The following BAD variants were observed in gnomAD, a reference collection of about 807,000 sequenced individuals.
BAD encodes BCL2 associated agonist of cell death.
A neutral mutation model predicts 17.8 loss-of-function variants in BAD; 18 were observed. The observed-to-expected ratio is 1.01, with a 90% CI of 0.70 to 1.50. The LOEUF is 1.50. BAD is among the 40% of genes most tolerant of loss of function. The pLI is 0.00. For missense variants in BAD, 294 were observed against 239.3 expected (o/e 1.23, Z -1.51); for synonymous variants, 112 against 91.5 (o/e 1.22, Z -1.28).
rs978445237 is a variant in BAD at position 64,271,918 on chromosome 11, C to T, written c.188-115G>A. ...GGCCCACTCGTGGGTCTTCCAGGGG[C>T]GCATCACAGCCCACCTCTCAGAGCC... On this transcript the variant is annotated intron_variant, in intron 2 of 3. Coordinates refer to ENST00000309032, the MANE Select transcript of BAD (RefSeq NM_032989.3). The T allele has an allele frequency of 4.1e-5, 33 of 800,110 alleles. No homozygotes were observed. In the South Asian group the frequency reaches 1.4e-3, roughly 33 times the overall value. 49.6% of individuals were successfully genotyped at this position (800,110 alleles called of 1,614,324 possible). A position where few individuals can be genotyped will look rare whatever the true frequency, so the allele number is the denominator to read the frequency against.
At chr11:64,279,330 C>T (rs1332183535) in intron 2 of BAD, among the ~76,000 whole-genome samples, 1 of 152,168 alleles carries the variant, frequency 6.6e-6, no homozygotes, top group African/African-American at 2.4e-5. Flanking sequence ...CAGCTTGGAC[C>T]CCACATCTAC....
chr11:64,284,173 G>C lies in BAD; in HGVS notation c.187+9C>G. 6.4e-7 allele frequency: 1 copy of C among 1,572,862 alleles called. No individual in the cohort carries two copies. Among genetic ancestry groups the C allele is most frequent in the Non-Finnish European group, 8.6e-7 (1 of 1,159,056 alleles). On this transcript the variant is annotated intron_variant, in intron 2 of 3. Coordinates refer to ENST00000309032, the MANE Select transcript of BAD (RefSeq NM_032989.3). ...GTGTCCCGGCAGGTGGAGGTGGTGG[G>C]GTACTTACCTCCATGATGGCTGCTG...
At chr11:64,271,923 C>G in intron 2 of BAD, 120 bp from the exon 3 acceptor site, 1 of 725,696 alleles carries the variant, frequency 1.4e-6, no homozygotes, top group Non-Finnish European at 1.9e-6. Flanking sequence ...AGGGGCGCAT[C>G]ACAGCCCACC....
chr11:64,270,201 A>C lies in BAD; in HGVS notation c.*8T>G, dbSNP rs1478082125. The C allele has an allele frequency of 7.4e-6, 12 of 1,613,854 alleles. No homozygotes were observed. The highest frequency in any genetic ancestry group is 1.0e-5 in the Non-Finnish European group (12 of 1,179,896). On this transcript the variant is annotated 3_prime_UTR_variant, in exon 4 of 4. Coordinates refer to ENST00000309032, the MANE Select transcript of BAD (RefSeq NM_032989.3). ...GAACGGGTGGAGTTTCGGGATGTGGAGCGAAGGTCACTGGGAGGGGGCGGA... is the reference window on the plus strand; with the variant it reads ...GAACGGGTGGAGTTTCGGGATGTGGCGCGAAGGTCACTGGGAGGGGGCGGA...
chr11:64,282,895 AAAAAAG>A (rs1565351954), intron 2 of BAD, among the ~76,000 whole-genome samples: 1 of 151,618 alleles, frequency 6.6e-6, no homozygotes, highest in South Asian at 2.1e-4. Flanking sequence ...AAAAAAAAAA[AAAAAAG>A]AAAAAGTAAA....
intron 2 of BAD, among the ~76,000 whole-genome samples, chr11:64,273,996 A>G (rs2032847444): frequency 6.6e-6 from 1 of 152,132 alleles, no homozygotes; most frequent in African/African-American, 2.4e-5. Context: ...AACCATTGGA[A>G]TGTCTCTTCT....
Position 64,284,211 on chromosome 11 carries a change from T to C in BAD, c.158A>G (p.Glu53Gly), listed in dbSNP as rs2033681187. 4 of 1,603,466 alleles carry C rather than the reference T, an allele frequency of 2.5e-6. No homozygotes were observed. Among genetic ancestry groups the C allele is most frequent in the Middle Eastern group, 3.3e-4 (2 of 6,002 alleles). The change falls in exon 2 of 4, where the codon GAG (glutamate) becomes GGG (glycine). Residue 53 changes from glutamate to glycine, a missense_variant. Glu to Gly is a moderately conservative substitution (Grantham distance 98). Coordinates refer to ENST00000309032, the MANE Select transcript of BAD (RefSeq NM_032989.3). ...GLLWDASHQQ[E>G]QPTSSSHHGG... ...ATGATGGCTGCTGCTGGTTGGCTGC[T>C]CCTGCTGGTGACTGGCGTCCCACAG...
rs2032631638 is a variant in BAD at position 64,271,732 on chromosome 11, C to T, written c.259G>A (p.Gly87Arg). Residue 87 changes from glycine to arginine, a missense_variant, in exon 3 of 4, where the codon GGG (glycine) becomes AGG (arginine). Coordinates refer to ENST00000309032, the MANE Select transcript of BAD (RefSeq NM_032989.3). ...PAGTEDDEGM[G>R]EEPSPFRGRS... ...CCCCGAAAGGGGCTGGGCTCCTCCC[C>T]CATCCCTTCGTCGTCCTCCGTCCCC... 6.9e-7 allele frequency: 1 copy of T among 1,448,780 alleles called. No homozygotes were observed. Among genetic ancestry groups the T allele is most frequent in the Non-Finnish European group, 9.1e-7 (1 of 1,100,660 alleles). The allele number at this position is 1,448,780 out of a possible 1,614,324, so 89.7% of individuals were successfully genotyped here. A position where few individuals can be genotyped will look rare whatever the true frequency, so the allele number is the denominator to read the frequency against.
chr11:64,276,518 G>A (rs2033077906), intron 2 of BAD: 2 of 161,954 alleles, frequency 1.2e-5, no homozygotes, highest in Admixed American at 6.2e-5. Context: ...GTAGAGACGG[G>A]GTTTCACCAT....
At chr11:64,280,113 C>A (rs754472473) in intron 2 of BAD, among the ~76,000 whole-genome samples, 1 of 151,384 alleles carries the variant, frequency 6.6e-6, no homozygotes, top group Admixed American at 6.6e-5. Flanking sequence ...GTCAGGAGAT[C>A]GAGACCATCC....
chr11:64,276,054 T>G (rs1191933097), intron 2 of BAD, among the ~76,000 whole-genome samples: 1 of 152,158 alleles, frequency 6.6e-6, no homozygotes, highest in Non-Finnish European at 1.5e-5. Flanking sequence ...TTAGCTGTCA[T>G]GCCCCAGGCT....
chr11:64,282,463 G>A (rs906902444), intron 2 of BAD, among the ~76,000 whole-genome samples: 1 of 152,128 alleles, frequency 6.6e-6, no homozygotes, highest in African/African-American at 2.4e-5. Flanking sequence ...GAGCTGGTGT[G>A]GTGGCATGCA....
At position 64,271,782 on chromosome 11, in the gene BAD, C is replaced by G; in HGVS notation, c.209G>C (p.Arg70Pro). ...CGCGGGGTAGGAGCTGTGGCGACTC[C>G]GGATCTCCACAGCCCCAGCGCCTGC... Reference protein sequence around the residue: ...HHGGAGAVEIRSRHSSYPAGT... With the variant: ...HHGGAGAVEIPSRHSSYPAGT... The change falls in exon 3 of 4, where the codon CGG (arginine) becomes CCG (proline). Residue 70 changes from arginine to proline, a missense_variant. By Grantham distance (103) the Arg-to-Pro change is moderately radical. Transcript: ENST00000309032. The G allele has an allele frequency of 7.4e-7, 1 of 1,356,250 alleles. No homozygotes were observed. The highest frequency in any genetic ancestry group is 2.0e-5 in the South Asian group (1 of 50,138). 84.0% of individuals were successfully genotyped at this position (1,356,250 alleles called of 1,614,324 possible). A position where few individuals can be genotyped will look rare whatever the true frequency, so the allele number is the denominator to read the frequency against.
intron 3 of BAD, chr11:64,270,668 G>A: frequency 1.7e-6 from 1 of 571,656 alleles, no homozygotes; most frequent in Non-Finnish European, 3.3e-6. Context: ...GATGGTGAGC[G>A]CCTGTAATCC....
chr11:64,270,272 C>G lies in BAD; in HGVS notation c.444G>C (p.Thr148=), dbSNP rs755146729. Residue 148 remains threonine, a synonymous_variant, in exon 4 of 4, where the codon ACG becomes ACC. Coordinates refer to ENST00000309032, the MANE Select transcript of BAD (RefSeq NM_032989.3). ...ATQMRQSSSW[T]RVFQSWWDRN... is the part of the protein sequence containing the mutation. ...GATCCCACCAGGACTGGAAGACTCG[C>G]GTCCAGCTGGAGCTTTGCCGCATCT... is the stretch of plus-strand genomic sequence containing the variant. 5 of 1,592,992 alleles carry G rather than the reference C, an allele frequency of 3.1e-6. No homozygotes were observed. Among genetic ancestry groups the G allele is most frequent in the Non-Finnish European group, 4.3e-6 (5 of 1,164,956 alleles).
Position 64,284,639 on chromosome 11 carries a change from C to T in BAD, c.-17G>A. ...CGGCGCACAGGTCTCACCCCAAGCCCGATCTCGAGGCCCCTGACCCGGGCC... is the reference window on the plus strand; with the variant it reads ...CGGCGCACAGGTCTCACCCCAAGCCTGATCTCGAGGCCCCTGACCCGGGCC... On this transcript the variant is annotated 5_prime_UTR_variant, in exon 1 of 4. Transcript: ENST00000309032. 6.5e-7 allele frequency: 1 copy of T among 1,529,982 alleles called. No individual in the cohort carries two copies. Among genetic ancestry groups the T allele is most frequent in the Non-Finnish European group, 8.7e-7 (1 of 1,144,012 alleles). The allele number at this position is 1,529,982 out of a possible 1,614,324, so 94.8% of individuals were successfully genotyped here.
intron 2 of BAD, among the ~76,000 whole-genome samples, chr11:64,279,732 C>A (rs1245765126): frequency 6.9e-6 from 1 of 145,036 alleles, no homozygotes; most frequent in Non-Finnish European, 1.5e-5. Flanking sequence ...CACTGCACTC[C>A]AGCCTGGGTG....
rs1408696287 is a variant in BAD at position 64,280,731 on chromosome 11, G to A, written c.187+3451C>T. On this transcript the variant is annotated intron_variant, in intron 2 of 3. Transcript: ENST00000309032. ...CACCCAGGCTGGAGTGCAGTGGCAG[G>A]ATTTCAGCTCACTGCGACCTCCACC... Among the ~76,000 whole-genome samples the A allele has an allele frequency of 6.3e-5, 9 of 142,196 alleles. No homozygotes were observed. In the East Asian group the frequency reaches 1.9e-3, roughly 30 times the overall value. 93.3% of individuals were successfully genotyped at this position (142,196 alleles called of 152,430 possible).
intron 2 of BAD, chr11:64,276,528 T>G: frequency 6.1e-6 from 1 of 162,916 alleles, no homozygotes; most frequent in Non-Finnish European, 1.3e-5. Context: ...GGTTTCACCA[T>G]GTTGGTCGGG....
Sources: gnomAD v4.1 joint callset for allele counts (sites outside exome capture counted in the v4.1 genomes callset) on GRCh38, gnomAD v4.1.1 for gene constraint, MANE v1.5 for transcripts, NCBI Gene and HGNC (gene_info 2026-07-23, HGNC 2026-07-21) for gene names.